ZNF565: variants seen among roughly 807,000 people sequenced by gnomAD.
The protein encoded by ZNF565 is zinc finger protein 565.
ZNF565 carries 27 observed loss-of-function variants against 39.4 expected under a neutral mutation model. The observed-to-expected ratio is 0.69, with a 90% CI of 0.51 to 0.95. The LOEUF is 0.95. ZNF565 is among the 40% of genes least tolerant of loss of function. The probability of loss-of-function intolerance (pLI) is 0.00; values close to 1 mark genes in which losing one functional copy is unlikely to be tolerated. For missense variants in ZNF565, 524 were observed against 621.1 expected (o/e 0.84, Z 1.66); for synonymous variants, 185 against 216.6 (o/e 0.85, Z 1.28).
At chr19:36,208,037 TA>T (rs2145358564) in intron 1 of ZNF565, among the ~76,000 whole-genome samples, 1 of 152,204 alleles carries the variant, frequency 6.6e-6, no homozygotes, top group East Asian at 1.9e-4. Context: ...TTTGACTAGA[TA>T]AAAATTCAGA....
intron 1 of ZNF565, among the ~76,000 whole-genome samples, chr19:36,204,442 T>C (rs1453878744): frequency 2.6e-5 from 4 of 152,122 alleles, no homozygotes; most frequent in African/African-American, 9.7e-5. Context: ...AGACTAAGAA[T>C]GATTTGGAAT....
chr19:36,182,749 A>G lies in ZNF565; in HGVS notation c.1217T>C (p.Leu406Pro), dbSNP rs1291729361. The G allele has an allele frequency of 6.2e-7, 1 of 1,614,074 alleles. No individual in the cohort carries two copies. The highest frequency in any genetic ancestry group is 1.7e-5 in the Admixed American group (1 of 59,980). ...CGKAFSRSSYLIQHQRIHTGD... is the reference protein window; with the variant it reads ...CGKAFSRSSYPIQHQRIHTGD... The stretch of plus-strand genomic sequence containing the variant: ...TGTATGAATTCTTTGATGTTGAATG[A>G]GGTATGAGCTACGACTAAATGCCTT... The change falls in exon 5 of 5, where the codon CTC becomes CCC. Residue 406 changes from leucine (L) to proline (P), a missense_variant. Physicochemically the swap from Leu to Pro is moderately conservative, Grantham distance 98. Transcript: ENST00000304116.
rs1975113049 is a variant in ZNF565 at position 36,182,291 on chromosome 19, A to G, written c.*175T>C. 2.0e-6 allele frequency: 1 copy of G among 502,192 alleles called. No homozygotes were observed. The highest frequency in any genetic ancestry group is 3.1e-5 in the East Asian group (1 of 32,350). The allele number at this position is 502,192 out of a possible 1,614,324, so 31.1% of individuals were successfully genotyped here. On this transcript the variant is annotated 3_prime_UTR_variant, in exon 5 of 5. Coordinates refer to ENST00000304116, the MANE Select transcript of ZNF565 (RefSeq NM_152477.5). ...ATGCTTAGGAAACAGTGAGTGAGGCAAAAAGAATTCCCACATTTATTTAAT... is the reference window on the plus strand; with the variant it reads ...ATGCTTAGGAAACAGTGAGTGAGGCGAAAAGAATTCCCACATTTATTTAAT...
At chr19:36,213,689 A>T (rs895032799) in intron 1 of ZNF565, among the ~76,000 whole-genome samples, 14 of 133,278 alleles carry the variant, frequency 1.1e-4, no homozygotes, top group Non-Finnish European at 6.4e-5. Context: ...CCAGCCATTA[A>T]TTTTTTTTTT....
At chr19:36,211,013 AT>A (rs1018280493) in intron 1 of ZNF565, among the ~76,000 whole-genome samples, 3 of 152,030 alleles carry the variant, frequency 2.0e-5, no homozygotes, top group Non-Finnish European at 2.9e-5. Flanking sequence ...AAAAAAAAAA[AT>A]GATAGCAATG....
chr19:36,196,856 G>A (rs762832823), intron 2 of ZNF565, among the ~76,000 whole-genome samples: 1 of 151,920 alleles, frequency 6.6e-6, no homozygotes, highest in Admixed American at 6.6e-5. Flanking sequence ...TCAGGAGTTC[G>A]AGAACAGCCT....
upstream of ZNF565, among the ~76,000 whole-genome samples, chr19:36,217,210 G>A (rs1976648934): frequency 6.6e-6 from 1 of 150,990 alleles, no homozygotes; most frequent in East Asian, 1.9e-4. Context: ...TTAGTTGCCT[G>A]CCACCACACC....
intron 1 of ZNF565, among the ~76,000 whole-genome samples, chr19:36,202,373 CACAA>C (rs1347436666): frequency 6.9e-6 from 1 of 145,900 alleles, no homozygotes; most frequent in Non-Finnish European, 1.5e-5. Flanking sequence ...TCTCAAAACA[CACAA>C]ACAAAAAACA....
At chr19:36,217,055 C>CTTTTTTTT (rs752632008), upstream of ZNF565, among the ~76,000 whole-genome samples, 299 of 65,872 alleles carry the variant, frequency 4.5e-3, 18 homozygotes, top group Non-Finnish European at 5.3e-3. Context: ...CAGTCCCTGT[C>CTTTTTTTT]TTTTTTTTTT....
Position 36,182,318 on chromosome 19 carries a change from T to G in ZNF565, c.*148A>C. 1 of 566,506 alleles carries G rather than the reference T, an allele frequency of 1.8e-6. No individual in the cohort carries two copies. Among genetic ancestry groups the G allele is most frequent in the Non-Finnish European group, 2.8e-6 (1 of 360,166 alleles). The allele number at this position is 566,506 out of a possible 1,614,324, so 35.1% of individuals were successfully genotyped here. On this transcript the variant is annotated 3_prime_UTR_variant, in exon 5 of 5. Transcript: ENST00000304116. ...AAAGAATTCCCACATTTATTTAATT[T>G]TCTTTGGGTGTGAGTTTTCTGATGT...
intron 1 of ZNF565, chr19:36,237,431 AC>A: frequency 7.4e-7 from 1 of 1,358,312 alleles, no homozygotes; most frequent in Non-Finnish European, 9.8e-7. Context: ...GTTAACTTTA[AC>A]AAGTACTAAA....
chr19:36,193,960 G>A (rs778462200), intron 4 of ZNF565, among the ~76,000 whole-genome samples: 1 of 152,026 alleles, frequency 6.6e-6, no homozygotes, highest in Non-Finnish European at 1.5e-5. Flanking sequence ...ACAAAGTACA[G>A]GTAAAAAGTT....
intron 1 of ZNF565, among the ~76,000 whole-genome samples, chr19:36,206,232 A>G (rs1279430666): frequency 2.6e-5 from 4 of 152,034 alleles, no homozygotes; most frequent in Admixed American, 2.0e-4. Context: ...AAGTGCTGGG[A>G]TTACAGGTGT....
rs1193249288 is a variant in ZNF565 at position 36,238,839 on chromosome 19, A to G, written c.55+6637T>C. The G allele has an allele frequency of 1.8e-5, 3 of 163,992 alleles. No individual in the cohort carries two copies. The East Asian group carries it at 5.8e-4, about 32-fold the overall frequency. 10.2% of individuals were successfully genotyped at this position (163,992 alleles called of 1,614,324 possible). ...GGGGTCCCCAGCTCCCCCCAGCTGCATGGCAGGAGGTGAGTGGCGGGTGAG... is the reference window on the plus strand; with the variant it reads ...GGGGTCCCCAGCTCCCCCCAGCTGCGTGGCAGGAGGTGAGTGGCGGGTGAG... On this transcript the variant is annotated intron_variant, in intron 1 of 4. Transcript: ENST00000355114.
At chr19:36,215,807 C>T (rs1976577953), upstream of ZNF565, among the ~76,000 whole-genome samples, 1 of 152,132 alleles carries the variant, frequency 6.6e-6, no homozygotes, top group Admixed American at 6.5e-5. Context: ...CTTTGAGAAG[C>T]AATCCCATAT....
chr19:36,241,515 G>A (rs751187888), intron 1 of ZNF565, among the ~76,000 whole-genome samples: 35 of 149,778 alleles, frequency 2.3e-4, no homozygotes, highest in Non-Finnish European at 4.0e-4. Context: ...TGTTGGGGCC[G>A]TGCGCAGTGG....
At chr19:36,205,774 A>G (rs56367048) in intron 1 of ZNF565, among the ~76,000 whole-genome samples, 4,403 of 152,014 alleles carry the variant, frequency 0.029, 225 homozygotes, top group African/African-American at 0.098. Context: ...AGAGGAGGAG[A>G]GAGATGAATT....
intron 1 of ZNF565, among the ~76,000 whole-genome samples, chr19:36,211,491 C>T (rs1976357784): frequency 7.6e-6 from 1 of 131,222 alleles, no homozygotes; most frequent in Admixed American, 7.7e-5. Context: ...ACACACAATT[C>T]TAATTAATAA....
At chr19:36,182,241 AT>A (rs68088876), downstream of ZNF565, 204 of 380,602 alleles carry the variant, frequency 5.4e-4, no homozygotes, top group South Asian at 9.5e-4. Context: ...TTCTATATTC[AT>A]TTTTTTTTAG....
Sources: allele counts gnomAD v4.1 joint callset (sites outside exome capture counted in the v4.1 genomes callset), GRCh38; gene constraint gnomAD v4.1.1; transcripts MANE v1.5; gene names NCBI Gene and HGNC (gene_info 2026-07-23, HGNC 2026-07-21).